Variants in LPIN1 observed in about 807,000 individuals in gnomAD.
LPIN1 encodes lipin 1, also known as phosphatidate phosphatase LPIN1.
Under a neutral mutation model 107.5 loss-of-function variants are expected in LPIN1, and 71 were observed. The ratio of observed to expected loss-of-function variants is 0.66; its 90% CI spans 0.55 to 0.80. The LOEUF (loss-of-function observed/expected upper bound fraction) is 0.80. Ranked by LOEUF, LPIN1 falls within the 30% of genes least tolerant of loss-of-function variation. The pLI, the probability that LPIN1 is intolerant of heterozygous loss-of-function variation, is 0.00. For synonymous variants in LPIN1, 445 were observed against 452.6 expected (o/e 0.98, Z 0.21); for missense variants, 1,043 against 1,160.6 (o/e 0.90, Z 1.47).
intron 9 of LPIN1, 158 bp downstream of exon 9, chr2:11,784,080 G>A (rs111900632): frequency 4.5e-5 from 57 of 1,257,000 alleles, no homozygotes; most frequent in African/African-American, 3.8e-4. Flanking sequence ...TGAGGTGGGC[G>A]GATCACTTGA....
chr2:11,823,398 CTGTT>C (rs1016893020), intron 20 of LPIN1, among the ~76,000 whole-genome samples: 13 of 152,320 alleles, frequency 8.5e-5, no homozygotes, highest in South Asian at 2.1e-4. Flanking sequence ...AAAAATCTGT[CTGTT>C]TGTTTGAATC....
intron 17 of LPIN1, among the ~76,000 whole-genome samples, chr2:11,807,024 T>C (rs1678820721): frequency 6.6e-6 from 1 of 152,208 alleles, no homozygotes; most frequent in Non-Finnish European, 1.5e-5. Context: ...GATGAACGTG[T>C]AGGTAGTTGC....
rs558380642 is a variant in LPIN1, at chr2:11,813,522, C to T, written c.2250-1566C>T. On this transcript the variant is annotated intron_variant, in intron 17 of 20. Transcript: ENST00000674199. ...GCTCCTCACTTTCCAGACAGGGCGG[C>T]GCATACTTTCTTTTTTTTATAATAG... Among the ~76,000 whole-genome samples, 8 of 151,972 alleles carry T rather than the reference C, an allele frequency of 5.3e-5. No individual in the cohort carries two copies. The East Asian group carries it at 1.4e-3, about 26-fold the overall frequency.
intron 5 of LPIN1, among the ~76,000 whole-genome samples, chr2:11,775,486 TCTGA>T: frequency 6.6e-6 from 1 of 152,332 alleles, no homozygotes; most frequent in East Asian, 1.9e-4. Flanking sequence ...GTTATGTAGC[TCTGA>T]CTATCACCAA....
rs763918222 is a variant in LPIN1, at chr2:11,758,478, AGGT to A, written c.-9-7048_-9-7046del. 5.3e-5 allele frequency among the ~76,000 whole-genome samples: 8 copies of A among 152,024 alleles called. No homozygotes were observed. The East Asian group carries it at 1.2e-3, about 22-fold the overall frequency. The stretch of plus-strand genomic sequence containing the variant: ...AATAGTAGCCATCTTAATAGATGTG[AGGT>A]GGTGGTATTCACCCTTTTAAAAACT... On this transcript the variant is annotated intron_variant, in intron 1 of 20. Coordinates refer to ENST00000674199, the MANE Select transcript of LPIN1 (RefSeq NM_001349206.2).
intron 1 of LPIN1, among the ~76,000 whole-genome samples, chr2:11,693,260 T>C (rs1285821716): frequency 1.3e-5 from 2 of 151,076 alleles, no homozygotes; most frequent in Non-Finnish European, 2.9e-5. Context: ...ATTTCTGGCA[T>C]TGAGCCTTGG....
chr2:11,759,964 G>A (rs532476163), intron 1 of LPIN1, among the ~76,000 whole-genome samples: 6,650 of 146,658 alleles, frequency 0.045, 76 homozygotes, highest in Non-Finnish European at 0.054. Context: ...CTTCTCAGAC[G>A]GGGTGGCTGC....
intron 1 of LPIN1, among the ~76,000 whole-genome samples, chr2:11,710,387 C>T (rs762211994): frequency 1.3e-5 from 2 of 151,966 alleles, no homozygotes; most frequent in Admixed American, 6.5e-5. Flanking sequence ...GAGGTTAACA[C>T]AAGCATGTGT....
chr2:11,749,681 A>G (rs1046064733), intron 1 of LPIN1, among the ~76,000 whole-genome samples: 2 of 152,182 alleles, frequency 1.3e-5, no homozygotes, highest in African/African-American at 4.8e-5. Context: ...TCTGGCCCAC[A>G]GGCTGTTCTG....
intron 2 of LPIN1, among the ~76,000 whole-genome samples, chr2:11,766,549 G>T (rs79811554): frequency 2.0e-3 from 301 of 152,280 alleles, no homozygotes; most frequent in Non-Finnish European, 3.3e-3. Flanking sequence ...AGGAGAGGTC[G>T]TGAGTGTTCA....
At chr2:11,701,298 C>G (rs899336287) in intron 1 of LPIN1, among the ~76,000 whole-genome samples, 1 of 152,188 alleles carries the variant, frequency 6.6e-6, no homozygotes, top group Non-Finnish European at 1.5e-5. Context: ...TCCTGCTTGG[C>G]TATGAGTAAC....
At chr2:11,780,794 G>T (rs139270559) in intron 7 of LPIN1, among the ~76,000 whole-genome samples, 3 of 152,292 alleles carry the variant, frequency 2.0e-5, no homozygotes, top group African/African-American at 4.8e-5. Context: ...GGCTAATGTA[G>T]GTATGTGAAG....
At chr2:11,778,721 GA>G (rs1398982518) in intron 6 of LPIN1, among the ~76,000 whole-genome samples, 2 of 152,196 alleles carry the variant, frequency 1.3e-5, no homozygotes, top group Non-Finnish European at 2.9e-5. Flanking sequence ...ATAATTACAA[GA>G]ATTGCTGCTG....
At chr2:11,760,757 C>T (rs944857850) in intron 1 of LPIN1, among the ~76,000 whole-genome samples, 1 of 152,144 alleles carries the variant, frequency 6.6e-6, no homozygotes, top group Non-Finnish European at 1.5e-5. Context: ...TTATGTCTCT[C>T]GCTTTCTTTT....
intron 13 of LPIN1, among the ~76,000 whole-genome samples, chr2:11,794,924 G>T (rs1199525279): frequency 2.6e-5 from 4 of 152,130 alleles, no homozygotes; most frequent in South Asian, 2.1e-4. Context: ...GAAATCCAAG[G>T]TTCTTTCCAG....
intron 1 of LPIN1, among the ~76,000 whole-genome samples, chr2:11,749,851 C>T (rs1288314712): frequency 6.6e-6 from 1 of 152,256 alleles, no homozygotes; most frequent in Admixed American, 6.5e-5. Flanking sequence ...TTTCAACCCA[C>T]TGACCAAATG....
intron 1 of LPIN1, among the ~76,000 whole-genome samples, chr2:11,748,889 C>T (rs1220782160): frequency 1.3e-5 from 2 of 152,074 alleles, no homozygotes; most frequent in African/African-American, 2.4e-5. Context: ...GGTGTTAGGT[C>T]CCGCCAGGAC....
intron 1 of LPIN1, among the ~76,000 whole-genome samples, chr2:11,738,900 C>G (rs1011590987): frequency 6.6e-6 from 1 of 152,210 alleles, no homozygotes. Context: ...GCAGGCAGAA[C>G]GATCTCCAGA....
intron 2 of LPIN1, among the ~76,000 whole-genome samples, chr2:11,718,081 A>C (rs1395097362): frequency 6.6e-6 from 1 of 151,980 alleles, no homozygotes; most frequent in Non-Finnish European, 1.5e-5. Context: ...GCTTGCTCCT[A>C]AGTCCTCCCA....
Sources: allele counts gnomAD v4.1 joint callset (sites outside exome capture counted in the v4.1 genomes callset), GRCh38; gene constraint gnomAD v4.1.1; transcripts MANE v1.5; gene names NCBI Gene and HGNC (gene_info 2026-07-23, HGNC 2026-07-21).